The following IL33 variants were observed in gnomAD, a reference collection of about 807,000 sequenced individuals.
The protein encoded by IL33 is interleukin-33.
IL33 carries 37 observed loss-of-function variants against 27.3 expected under a neutral mutation model. That is an observed-to-expected ratio of 1.36 (90% CI 1.04 to 1.78). IL33 has a LOEUF of 1.78. Ranked by LOEUF, IL33 falls within the 40% of genes most tolerant of loss-of-function variation. The pLI is 0.00. For missense variants in IL33, 406 were observed against 311.4 expected (o/e 1.30, Z -2.29); for synonymous variants, 132 against 102.9 (o/e 1.28, Z -1.71).
chr9:6,243,602 G>C (rs943485441), intron 2 of IL33, among the ~76,000 whole-genome samples: 8 of 152,140 alleles, frequency 5.3e-5, no homozygotes, highest in African/African-American at 1.7e-4. Context: ...TGATCCACCC[G>C]CCTCAGCCTC....
chr9:6,250,104 G>A (rs1376889516), intron 2 of IL33, among the ~76,000 whole-genome samples: 1 of 152,062 alleles, frequency 6.6e-6, no homozygotes, highest in Non-Finnish European at 1.5e-5. Context: ...AAGTTTTTCA[G>A]AACTTATTTG....
chr9:6,249,648 T>C (rs1422663452), intron 2 of IL33, among the ~76,000 whole-genome samples: 1 of 152,230 alleles, frequency 6.6e-6, no homozygotes, highest in East Asian at 1.9e-4. Context: ...AGCATTTTCT[T>C]AGATGGCGGT....
chr9:6,245,470 G>T (rs1048616224), intron 2 of IL33, among the ~76,000 whole-genome samples: 1 of 152,170 alleles, frequency 6.6e-6, no homozygotes, highest in Non-Finnish European at 1.5e-5. Context: ...CATTGAAAAT[G>T]TTGAACTGAG....
At position 6,255,987 on chromosome 9, in the gene IL33, C is replaced by T. The variant is rs1359997277; in HGVS notation, c.632C>T (p.Pro211Leu). ...CCTCAGCTCCATAAGTGTGAAAAAC[C>T]ACTGCCAGACCAGGCCTTCTTTGTC... The part of the protein sequence containing the change: ...HSVELHKCEK[P>L]LPDQAFFVLH... The change falls in exon 8 of 8, where the codon CCA becomes CTA. Residue 211 changes from proline (P) to leucine (L), a missense_variant. Physicochemically the swap from Pro to Leu is moderately conservative, Grantham distance 98. Transcript: ENST00000682010. 1.9e-6 allele frequency: 3 copies of T among 1,613,538 alleles called. No homozygotes were observed. In the South Asian group the frequency reaches 3.3e-5, roughly 18 times the overall value.
intron 1 of IL33, among the ~76,000 whole-genome samples, chr9:6,240,591 G>C (rs1819471829): frequency 6.6e-6 from 1 of 152,074 alleles, no homozygotes; most frequent in South Asian, 2.1e-4. Flanking sequence ...TTTAAAAATG[G>C]TGCACTTGTA....
intron 1 of IL33, among the ~76,000 whole-genome samples, chr9:6,234,511 C>T (rs924899488): frequency 1.3e-4 from 20 of 152,306 alleles, no homozygotes; most frequent in African/African-American, 4.8e-4. Context: ...TGCCCCTAAA[C>T]TGGGAGTGAG....
chr9:6,228,409 T>C (rs1187150085), intron 1 of IL33, among the ~76,000 whole-genome samples: 1 of 152,250 alleles, frequency 6.6e-6, no homozygotes, highest in Non-Finnish European at 1.5e-5. Flanking sequence ...AATTTTTACA[T>C]TACTTGTCCA....
intron 2 of IL33, among the ~76,000 whole-genome samples, chr9:6,248,700 A>G (rs1007610167): frequency 3.3e-5 from 5 of 151,802 alleles, no homozygotes; most frequent in Non-Finnish European, 7.4e-5. Flanking sequence ...TCAGCCTCCC[A>G]AGTTGCTGAG....
At chr9:6,231,549 C>A (rs1403803397) in intron 1 of IL33, among the ~76,000 whole-genome samples, 1 of 152,134 alleles carries the variant, frequency 6.6e-6, no homozygotes, top group Non-Finnish European at 1.5e-5. Flanking sequence ...TCTTCTTTAC[C>A]AGTCCAATTC....
At chr9:6,227,196 C>A (rs573199507) in intron 1 of IL33, among the ~76,000 whole-genome samples, 11 of 152,300 alleles carry the variant, frequency 7.2e-5, no homozygotes, top group Admixed American at 5.2e-4. Flanking sequence ...GTGAATGTAG[C>A]CCTTTGAGAG....
chr9:6,240,407 G>C (rs1329890270), intron 1 of IL33, among the ~76,000 whole-genome samples: 2 of 152,158 alleles, frequency 1.3e-5, no homozygotes, highest in African/African-American at 4.8e-5. Context: ...AAAAAGGAAT[G>C]TCTGGGTTAA....
chr9:6,238,654 C>T (rs1819364184), intron 1 of IL33, among the ~76,000 whole-genome samples: 1 of 152,100 alleles, frequency 6.6e-6, no homozygotes, highest in African/African-American at 2.4e-5. Flanking sequence ...TCATATGAAG[C>T]TCATAAGAGA....
At chr9:6,239,208 A>G (rs1819394638) in intron 1 of IL33, among the ~76,000 whole-genome samples, 1 of 152,204 alleles carries the variant, frequency 6.6e-6, no homozygotes, top group Non-Finnish European at 1.5e-5. Flanking sequence ...TTCAAATTTC[A>G]TATACATTCA....
At chr9:6,240,479 C>A (rs769848912) in intron 1 of IL33, among the ~76,000 whole-genome samples, 1 of 152,002 alleles carries the variant, frequency 6.6e-6, no homozygotes, top group Non-Finnish European at 1.5e-5. Flanking sequence ...TTGTAGGCTT[C>A]AGAGAGAATA....
intron 1 of IL33, among the ~76,000 whole-genome samples, chr9:6,226,973 A>C (rs959821164): frequency 6.6e-6 from 1 of 152,230 alleles, no homozygotes; most frequent in Non-Finnish European, 1.5e-5. Flanking sequence ...TGCCAACCTA[A>C]AACTACTTTA....
chr9:6,228,327 G>A (rs1321472958), intron 1 of IL33, among the ~76,000 whole-genome samples: 2 of 151,940 alleles, frequency 1.3e-5, no homozygotes, highest in Non-Finnish European at 2.9e-5. Context: ...AACAAAAAAA[G>A]GAGAATTTTT....
At chr9:6,234,836 T>C (rs1819105806) in intron 1 of IL33, among the ~76,000 whole-genome samples, 1 of 152,210 alleles carries the variant, frequency 6.6e-6, no homozygotes, top group East Asian at 1.9e-4. Context: ...TAGATGATGT[T>C]TCTCATTTGC....
At chr9:6,236,906 A>C (rs1362229793) in intron 1 of IL33, among the ~76,000 whole-genome samples, 1 of 152,174 alleles carries the variant, frequency 6.6e-6, no homozygotes, top group East Asian at 1.9e-4. Flanking sequence ...AAAGTGCTAC[A>C]GCTAAAATAA....
intron 5 of IL33, 47 bp from the exon 6 acceptor site, chr9:6,253,503 CTT>C: frequency 1.4e-6 from 2 of 1,388,708 alleles, no homozygotes; most frequent in Non-Finnish European, 2.0e-6. Flanking sequence ...GAACTGAAAA[CTT>C]AACAAAATTG....
Sources: allele counts gnomAD v4.1 joint callset (sites outside exome capture counted in the v4.1 genomes callset), GRCh38; gene constraint gnomAD v4.1.1; transcripts MANE v1.5; gene names NCBI Gene and HGNC (gene_info 2026-07-23, HGNC 2026-07-21).